RNF213: variants seen among roughly 807,000 people sequenced by gnomAD.
The protein encoded by RNF213 is E3 ubiquitin-protein ligase RNF213.
A neutral mutation model predicts 514.4 loss-of-function variants in RNF213; 341 were observed. The ratio of observed to expected loss-of-function variants is 0.66; its 90% CI spans 0.61 to 0.73. The LOEUF is 0.73. RNF213 is among the 30% of genes least tolerant of loss of function. RNF213 has a pLI of 0.00. For missense variants in RNF213, 5,767 were observed against 6,615.6 expected, an observed-to-expected ratio of 0.87 and a Z score of 4.45; for synonymous variants, 2,655 against 2,658.2, an observed-to-expected ratio of 1.00 and a Z score of 0.04.
rs994498410 is a variant in RNF213 at position 80,373,082 on chromosome 17, C to T, written c.12859C>T (p.Arg4287Trp). 19 of 1,613,742 alleles carry T rather than the reference C, an allele frequency of 1.2e-5. No homozygotes were observed. Among genetic ancestry groups the T allele is most frequent in the East Asian group, 4.5e-5 (2 of 44,878 alleles). Reference sequence around the variant, plus strand: ...CCTGGTGCGGAAGCTCAGCAGCCAGCGGGGGATGGAGTTCGTGCAGGGCCT... The same window carrying T: ...CCTGGTGCGGAAGCTCAGCAGCCAGTGGGGGATGGAGTTCGTGCAGGGCCT... Reference protein sequence around the residue: ...VYLVRKLSSQRGMEFVQGLSK... With the variant: ...VYLVRKLSSQWGMEFVQGLSK... Residue 4287 changes from arginine to tryptophan, a missense_variant, in exon 49 of 68, where the codon CGG becomes TGG. Physicochemically the swap from Arg to Trp is moderately radical, Grantham distance 101. Around this residue, in one of 13 missense-constraint regions of RNF213, gnomAD observed 1,245 missense variants for 1,339.0 expected, o/e 0.93. Transcript: ENST00000582970.
rs2078435234 is a variant in RNF213, at chr17:80,349,717, T to C, written c.9952-53T>C. ...GATCTGTCTAAACCTGGCAGCAGAC[T>C]TGCAACCTTTCCTTGAAGTCTGGCA... On this transcript the variant is annotated intron_variant, in intron 29 of 67. Coordinates refer to ENST00000582970, the MANE Select transcript of RNF213 (RefSeq NM_001256071.3). 3 of 1,603,652 alleles carry C rather than the reference T, an allele frequency of 1.9e-6. No individual in the cohort carries two copies. The African/African-American group carries it at 4.0e-5, about 21-fold the overall frequency.
intron 37 of RNF213, among the ~76,000 whole-genome samples, chr17:80,359,584 AAGAG>A (rs1253918629): frequency 7.1e-6 from 1 of 140,306 alleles, no homozygotes; most frequent in Non-Finnish European, 1.6e-5. Flanking sequence ...AGAAGGAAGA[AAGAG>A]AAAGAAAGAG....
rs866832718 is a variant in RNF213 at position 80,389,464 on chromosome 17, C to T, written c.15195+97C>T. 51 of 1,096,030 alleles carry T rather than the reference C, an allele frequency of 4.7e-5. 1 individual carries two copies. Among genetic ancestry groups the T allele is most frequent in the Middle Eastern group, 4.1e-4 (2 of 4,924 alleles). 67.9% of individuals were successfully genotyped at this position (1,096,030 alleles called of 1,614,324 possible). ...AGCATTCAGGGAGTGCCACTCTAGG[C>T]GCTCCTGAAAAGGATGGGGAGACAA... On this transcript the variant is annotated intron_variant, in intron 65 of 67. Coordinates refer to ENST00000582970, the MANE Select transcript of RNF213 (RefSeq NM_001256071.3).
chr17:80,376,275 T>G, intron 51 of RNF213, 26 bp from the exon 52 acceptor site: 1 of 1,613,678 alleles, frequency 6.2e-7, no homozygotes, highest in Non-Finnish European at 8.5e-7. Flanking sequence ...TTGATACATC[T>G]TAATGTTAAG....
chr17:80,332,631 TG>T lies in RNF213; in HGVS notation c.4143+1del. ...GTGTTCTCAACACTTTACTAAATTT[TG>T]TAAGTTATTTGCTGGGGACTGTGGG... On this transcript the variant is annotated splice_donor_variant, in intron 21 of 67. Transcript: ENST00000582970. LOFTEE classifies it high-confidence loss of function. 1 of 1,481,898 alleles carries T rather than the reference TG, an allele frequency of 6.7e-7. No homozygotes were observed. Among genetic ancestry groups the T allele is most frequent in the Non-Finnish European group, 8.9e-7 (1 of 1,120,084 alleles). The allele number at this position is 1,481,898 out of a possible 1,614,324, so 91.8% of individuals were successfully genotyped here. A position where few individuals can be genotyped will look rare whatever the true frequency, so the allele number is the denominator to read the frequency against.
chr17:80,276,779 G>A (rs918719226), intron 3 of RNF213, among the ~76,000 whole-genome samples: 1 of 152,106 alleles, frequency 6.6e-6, no homozygotes, highest in African/African-American at 2.4e-5. Context: ...TAGGCCGGGC[G>A]CGGTGGCTCA....
Position 80,360,191 on chromosome 17 carries a change from A to C in RNF213, c.11185A>C (p.Ile3729Leu), listed in dbSNP as rs2079002668. The change falls in exon 38 of 68, where the codon ATC (isoleucine) becomes CTC (leucine). Residue 3729 changes from isoleucine (I) to leucine (L), a missense_variant. Transcript: ENST00000582970. Reference sequence around the variant, plus strand: ...GGAGCTGTGGGTCCAGGCTCAGTACATCACAGACGCAGAAGGTGAGGCTAC... The same window carrying C: ...GGAGCTGTGGGTCCAGGCTCAGTACCTCACAGACGCAGAAGGTGAGGCTAC... Reference protein sequence around the residue: ...LEELWVQAQYITDAEGLPKKF... With the variant: ...LEELWVQAQYLTDAEGLPKKF... 6.2e-7 allele frequency: 1 copy of C among 1,613,538 alleles called. No homozygotes were observed. Among genetic ancestry groups the C allele is most frequent in the Non-Finnish European group, 8.5e-7 (1 of 1,179,750 alleles).
chr17:80,369,916 T>A (rs752840885), intron 46 of RNF213, 49 bp downstream of exon 46: 2 of 1,278,448 alleles, frequency 1.6e-6, no homozygotes, highest in Non-Finnish European at 2.3e-6. Context: ...GCTTTTTCTC[T>A]TCATCGCAGC....
chr17:80,382,842 ATACT>A, intron 57 of RNF213, 133 bp from the exon 58 acceptor site: 2 of 673,614 alleles, frequency 3.0e-6, no homozygotes, highest in Non-Finnish European at 2.7e-6. Flanking sequence ...CTACTTCAAA[ATACT>A]TAGATTAATT....
In RNF213 at chr17:80,372,558, A is replaced by T. The variant is rs1462433102; in HGVS notation, c.12575A>T (p.Asn4192Ile). 2 of 1,613,912 alleles carry T rather than the reference A, an allele frequency of 1.2e-6. No homozygotes were observed. The highest frequency in any genetic ancestry group is 1.7e-6 in the Non-Finnish European group (2 of 1,179,996). Residue 4192 changes from asparagine (N) to isoleucine (I), a missense_variant, in exon 48 of 68, where the codon AAT becomes ATT. This residue lies in a region of RNF213 where 1,245 missense variants were observed against 1,339.0 expected (regional missense o/e 0.93). Coordinates refer to ENST00000582970, the MANE Select transcript of RNF213 (RefSeq NM_001256071.3). ...GAGAAGACCAGTGCTTACTCCAGAAATGATGAACTGAACCACCTAGAAGAG... is the reference window on the plus strand; with the variant it reads ...GAGAAGACCAGTGCTTACTCCAGAATTGATGAACTGAACCACCTAGAAGAG... ...ILEKTSAYSR[N>I]DELNHLEEEG...
chr17:80,282,647 C>T, intron 3 of RNF213, among the ~76,000 whole-genome samples: 1 of 152,104 alleles, frequency 6.6e-6, no homozygotes, highest in Non-Finnish European at 1.5e-5. Context: ...ATCCACCCGC[C>T]TCGGTCTCCC....
intron 37 of RNF213, among the ~76,000 whole-genome samples, chr17:80,359,563 G>C (rs890366628): frequency 2.7e-5 from 4 of 147,062 alleles, no homozygotes; most frequent in African/African-American, 5.0e-5. Context: ...GAGTGAGAGA[G>C]GGAGGGAGAC....
chr17:80,267,824 C>CT (rs71163943), intron 2 of RNF213, among the ~76,000 whole-genome samples: 96,069 of 144,908 alleles, frequency 0.66, 31,690 homozygotes, highest in Middle Eastern at 0.72. Flanking sequence ...ATTTTCTTTT[C>CT]TTTTTTTTTT....
rs186408544 is a variant in RNF213 at position 80,291,055 on chromosome 17, G to A, written c.1271+327G>A. ...TCAAACTCCTGACCTCAGGTGATCC[G>A]CCCGCCTAGGCCTCCCAAAGTGCTG... On this transcript the variant is annotated intron_variant, in intron 7 of 67. Coordinates refer to ENST00000582970, the MANE Select transcript of RNF213 (RefSeq NM_001256071.3). Among the ~76,000 whole-genome samples the A allele has an allele frequency of 1.7e-3, 257 of 151,956 alleles. 1 individual carries two copies. Among genetic ancestry groups the A allele is most frequent in the African/African-American group, 5.6e-3 (233 of 41,456 alleles).
Position 80,385,180 on chromosome 17 carries a change from C to T in RNF213, c.14455+9C>T, listed in dbSNP as rs1353611508. On this transcript the variant is annotated intron_variant, in intron 60 of 67. Coordinates refer to ENST00000582970, the MANE Select transcript of RNF213 (RefSeq NM_001256071.3). ...CAGCAAGCACAGCTCAGGTGTGGCTCTGCTCTGACAGGACCAGGACTGTCC... is the reference window on the plus strand; with the variant it reads ...CAGCAAGCACAGCTCAGGTGTGGCTTTGCTCTGACAGGACCAGGACTGTCC... The T allele has an allele frequency of 1.2e-6, 2 of 1,614,044 alleles. No homozygotes were observed. Among genetic ancestry groups the T allele is most frequent in the African/African-American group, 2.7e-5 (2 of 74,910 alleles).
intron 65 of RNF213, 119 bp from the exon 66 acceptor site, chr17:80,389,709 G>A: frequency 1.1e-6 from 1 of 875,714 alleles, no homozygotes; most frequent in Non-Finnish European, 1.9e-6. Context: ...GATCACATTA[G>A]TACAGGGCAG....
At position 80,332,569 on chromosome 17, in the gene RNF213, C is replaced by A. The variant is rs2046445649; in HGVS notation, c.4081C>A (p.Gln1361Lys). ...QAVHAAKVIL[Q>K]VKESLGLNGD... ...TGTCCACGCAGCCAAGGTCATCTTG[C>A]AGGTCAAAGAGAGCCTGGGACTGAA... is the stretch of plus-strand genomic sequence containing the variant. Residue 1361 changes from glutamine to lysine, a missense_variant, in exon 21 of 68, where the codon CAG (glutamine) becomes AAG (lysine). Physicochemically the swap from Gln to Lys is moderately conservative, Grantham distance 53. Around this residue, in one of 13 missense-constraint regions of RNF213, gnomAD observed 516 missense variants for 566.5 expected, o/e 0.91. Coordinates refer to ENST00000582970, the MANE Select transcript of RNF213 (RefSeq NM_001256071.3). The A allele has an allele frequency of 1.3e-6, 2 of 1,533,870 alleles. No individual in the cohort carries two copies. Among genetic ancestry groups the A allele is most frequent in the African/African-American group, 2.7e-5 (2 of 72,878 alleles).
intron 64 of RNF213, 98 bp from the exon 65 acceptor site, chr17:80,389,075 T>G: frequency 8.5e-7 from 1 of 1,181,168 alleles, no homozygotes; most frequent in Admixed American, 1.7e-5. Flanking sequence ...GCCCCCCGCA[T>G]GTGGCTTGGG....
At chr17:80,277,847 C>T (rs943306968) in intron 3 of RNF213, among the ~76,000 whole-genome samples, 1 of 152,186 alleles carries the variant, frequency 6.6e-6, no homozygotes. Context: ...CCAAGGGAGG[C>T]GGCCCCAGAA....
Sources: allele counts gnomAD v4.1 joint callset (sites outside exome capture counted in the v4.1 genomes callset), GRCh38; gene constraint gnomAD v4.1.1; regional missense constraint gnomAD v4.1.1; transcripts MANE v1.5; gene names NCBI Gene and HGNC (gene_info 2026-07-23, HGNC 2026-07-21).